The following ZNF627 variants were observed in gnomAD, a reference collection of about 807,000 sequenced individuals.
The protein encoded by ZNF627 is zinc finger protein 627.
A neutral mutation model predicts 10.6 loss-of-function variants in ZNF627; 12 were observed. The observed-to-expected ratio is 1.13, with a 90% CI of 0.73 to 1.84. The LOEUF is 1.84. Ranked by LOEUF, ZNF627 falls within the 40% of genes most tolerant of loss-of-function variation. ZNF627 has a pLI of 0.00. For missense variants in ZNF627, 504 were observed against 568.4 expected, an observed-to-expected ratio of 0.89 and a Z score of 1.15; for synonymous variants, 176 against 187.1, an observed-to-expected ratio of 0.94 and a Z score of 0.48.
At chr19:11,599,021 TA>T (rs1204196391) in intron 1 of ZNF627, among the ~76,000 whole-genome samples, 6 of 151,626 alleles carry the variant, frequency 4.0e-5, no homozygotes, top group Non-Finnish European at 8.8e-5. Context: ...GACCCTAAAA[TA>T]AAAAAAACAA....
chr19:11,617,871 T>G lies in ZNF627; in HGVS notation c.1368T>G (p.Val456=). 1.3e-6 allele frequency: 2 copies of G among 1,545,396 alleles called. No individual in the cohort carries two copies. Among genetic ancestry groups the G allele is most frequent in the Non-Finnish European group, 8.7e-7 (1 of 1,154,852 alleles). Residue 456 remains valine (V), a synonymous_variant, in exon 4 of 4, where the codon GTT becomes GTG. Coordinates refer to ENST00000361113, the MANE Select transcript of ZNF627 (RefSeq NM_145295.4). ...AGAACCCTAACCCTAACGCTTCAGT[T>G]GTCCCAGTTCTTTCATGAGCATGAA... The part of the protein sequence containing the change: ...PYENPNPNAS[V]VPVLS
chr19:11,597,535 C>T lies in ZNF627; in HGVS notation c.-93C>T, dbSNP rs1212915537. 1.0e-5 allele frequency: 13 copies of T among 1,257,258 alleles called. No homozygotes were observed. Among genetic ancestry groups the T allele is most frequent in the Non-Finnish European group, 1.3e-5 (13 of 984,464 alleles). The allele number at this position is 1,257,258 out of a possible 1,614,324, so 77.9% of individuals were successfully genotyped here. Reference sequence around the variant, plus strand: ...TCGCGTCTCCGTTTCTCCGAGAGGCCCAAGGTGTCTCCGCCGCAGCCTCTG... The same window carrying T: ...TCGCGTCTCCGTTTCTCCGAGAGGCTCAAGGTGTCTCCGCCGCAGCCTCTG... On this transcript the variant is annotated 5_prime_UTR_variant, in exon 1 of 4. Transcript: ENST00000361113.
At position 11,617,758 on chromosome 19, in the gene ZNF627, T is replaced by A; in HGVS notation, c.1255T>A (p.Tyr419Asn). 6.2e-7 allele frequency: 1 copy of A among 1,613,512 alleles called. No individual in the cohort carries two copies. Among genetic ancestry groups the A allele is most frequent in the South Asian group, 1.1e-5 (1 of 91,004 alleles). The change falls in exon 4 of 4, where the codon TAT becomes AAT. Residue 419 changes from tyrosine (Y) to asparagine (N), a missense_variant. By Grantham distance (143) the Tyr-to-Asn change is moderately radical. Transcript: ENST00000361113. ...HERTHTGEKPYECKQCGKAFS... is the reference protein window; with the variant it reads ...HERTHTGEKPNECKQCGKAFS... ...AAGAACTCACACTGGAGAGAAACCC[T>A]ATGAATGTAAGCAATGTGGGAAAGC...
rs1973514451 is a variant in ZNF627 at position 11,597,716 on chromosome 19, T to TC, written c.3+89dup. 16 of 1,286,054 alleles carry TC rather than the reference T, an allele frequency of 1.2e-5. No homozygotes were observed. In the South Asian group the frequency reaches 5.1e-4, roughly 41 times the overall value. The allele number at this position is 1,286,054 out of a possible 1,614,324, so 79.7% of individuals were successfully genotyped here. A position where few individuals can be genotyped will look rare whatever the true frequency, so the allele number is the denominator to read the frequency against. ...AACCGGCTGTGGAGGGACCTAGGCC[T>TC]CCCTGCGGCGACTCCGGGGTCTGGG... On this transcript the variant is annotated intron_variant, in intron 1 of 3. Coordinates refer to ENST00000361113, the MANE Select transcript of ZNF627 (RefSeq NM_145295.4).
In ZNF627 at chr19:11,617,253, C is replaced by G; in HGVS notation, c.750C>G (p.Pro250=). Residue 250 remains proline, a synonymous_variant, in exon 4 of 4, where the codon CCC becomes CCG. Coordinates refer to ENST00000361113, the MANE Select transcript of ZNF627 (RefSeq NM_145295.4). ...IHERTHTGDK[P]YECKQCGKAF... The stretch of plus-strand genomic sequence containing the variant: ...AAAGGACTCACACTGGAGATAAACC[C>G]TATGAATGCAAGCAGTGTGGGAAAG... 2 of 1,613,472 alleles carry G rather than the reference C, an allele frequency of 1.2e-6. No individual in the cohort carries two copies. Among genetic ancestry groups the G allele is most frequent in the South Asian group, 1.1e-5 (1 of 91,046 alleles).
rs530979673 is a variant in ZNF627 at position 11,608,854 on chromosome 19, G to A, written c.4-5673G>A. On this transcript the variant is annotated intron_variant, in intron 1 of 3. Coordinates refer to ENST00000361113, the MANE Select transcript of ZNF627 (RefSeq NM_145295.4). ...TTTCTAATCAATGTGTTTTTTGCTG[G>A]TTTATTACAATAACTTATTATTATT... Among the ~76,000 whole-genome samples the A allele has an allele frequency of 2.1e-3, 322 of 152,016 alleles. 1 individual carries two copies. Among genetic ancestry groups the A allele is most frequent in the African/African-American group, 7.5e-3 (312 of 41,468 alleles).
chr19:11,601,037 C>G (rs1008353086), intron 1 of ZNF627, among the ~76,000 whole-genome samples: 5 of 152,162 alleles, frequency 3.3e-5, no homozygotes, highest in African/African-American at 4.8e-5. Context: ...GAAACAGAGA[C>G]AGCAGACTAG....
chr19:11,601,743 C>T (rs1355138373), intron 1 of ZNF627, among the ~76,000 whole-genome samples: 5 of 151,400 alleles, frequency 3.3e-5, no homozygotes, highest in African/African-American at 9.7e-5. Context: ...CGTGGTGGCT[C>T]ACGTCTGTAA....
At chr19:11,601,694 A>G (rs1439439424) in intron 1 of ZNF627, among the ~76,000 whole-genome samples, 2 of 151,968 alleles carry the variant, frequency 1.3e-5, no homozygotes, top group Non-Finnish European at 2.9e-5. Context: ...AAAGGGGAGA[A>G]GGCACCAAGT....
At chr19:11,601,659 G>A (rs1197052623) in intron 1 of ZNF627, among the ~76,000 whole-genome samples, 1 of 152,044 alleles carries the variant, frequency 6.6e-6, no homozygotes, top group Admixed American at 6.6e-5. Context: ...CACCAGACAG[G>A]AATGACTATT....
chr19:11,606,067 C>T (rs538527677), intron 1 of ZNF627, among the ~76,000 whole-genome samples: 10 of 152,098 alleles, frequency 6.6e-5, no homozygotes, highest in South Asian at 2.1e-4. Flanking sequence ...CTTGGCCAGG[C>T]GCGGTGGCTC....
chr19:11,612,367 G>T (rs1046004464), intron 1 of ZNF627, among the ~76,000 whole-genome samples: 2 of 149,274 alleles, frequency 1.3e-5, no homozygotes, highest in Admixed American at 6.7e-5. Flanking sequence ...TGATCCGCCT[G>T]CCTCGGCCTC....
Position 11,617,204 on chromosome 19 carries a change from G to A in ZNF627, c.701G>A (p.Cys234Tyr), listed in dbSNP as rs1160547794. 1 of 1,613,482 alleles carries A rather than the reference G, an allele frequency of 6.2e-7. No individual in the cohort carries two copies. The highest frequency in any genetic ancestry group is 8.5e-7 in the Non-Finnish European group (1 of 1,179,830). Residue 234 changes from cysteine to tyrosine, a missense_variant, in exon 4 of 4, where the codon TGT becomes TAT. Transcript: ENST00000361113. The part of the protein sequence containing the change: ...ECKQCGKAFS[C>Y]SSYIRIHERT... ...AAGCAATGTGGGAAAGCCTTCAGTT[G>A]TTCCAGTTACATTAGAATACATGAA... is the stretch of plus-strand genomic sequence containing the variant.
At chr19:11,614,502 C>T (rs1973832095) in intron 1 of ZNF627, 25 bp from the exon 2 acceptor site, 4 of 1,613,556 alleles carry the variant, frequency 2.5e-6, no homozygotes, top group East Asian at 2.2e-5. Context: ...CAACCTTCCT[C>T]CTCCACACAT....
chr19:11,609,794 A>T (rs117879880), intron 1 of ZNF627, among the ~76,000 whole-genome samples: 2 of 151,826 alleles, frequency 1.3e-5, no homozygotes, highest in Non-Finnish European at 2.9e-5. Context: ...CTGAGACTGC[A>T]GGCGTGAGCC....
chr19:11,603,432 G>A (rs1281688850), intron 1 of ZNF627, among the ~76,000 whole-genome samples: 1 of 150,548 alleles, frequency 6.6e-6, no homozygotes, highest in South Asian at 2.1e-4. Context: ...CAGGTGCACA[G>A]TACCACACCA....
chr19:11,616,334 C>T (rs1973867343), intron 3 of ZNF627, among the ~76,000 whole-genome samples: 1 of 152,212 alleles, frequency 6.6e-6, no homozygotes, highest in South Asian at 2.1e-4. Context: ...GCATAAGCTA[C>T]TGCGTCTGGC....
chr19:11,602,828 T>C (rs565219844), intron 1 of ZNF627, among the ~76,000 whole-genome samples: 19 of 152,292 alleles, frequency 1.2e-4, no homozygotes, highest in African/African-American at 4.1e-4. Context: ...CTGGTGAGAA[T>C]TGAGACCCTG....
intron 1 of ZNF627, among the ~76,000 whole-genome samples, chr19:11,612,958 C>G (rs1973798802): frequency 6.6e-6 from 1 of 151,474 alleles, no homozygotes; most frequent in Admixed American, 6.6e-5. Context: ...GTCTGTTGTT[C>G]TCATCTTTGT....
Sources: gnomAD v4.1 joint callset for allele counts (sites outside exome capture counted in the v4.1 genomes callset) on GRCh38, gnomAD v4.1.1 for gene constraint, MANE v1.5 for transcripts, NCBI Gene and HGNC (gene_info 2026-07-23, HGNC 2026-07-21) for gene names.